TRIM5: variants seen among roughly 807,000 people sequenced by gnomAD.
The protein encoded by TRIM5 is tripartite motif containing 5.
In TRIM5, 31 loss-of-function variants were observed where a neutral mutation model predicts 35.6. That is an observed-to-expected ratio of 0.87 (90% CI 0.65 to 1.18). The LOEUF (loss-of-function observed/expected upper bound fraction) is 1.18, where lower values mean the gene tolerates loss of function less well. TRIM5 is among the 50% of genes most tolerant of loss of function. The pLI is 0.00. For synonymous variants in TRIM5, 243 were observed against 215.6 expected (o/e 1.13, Z -1.11); for missense variants, 609 against 591.6 (o/e 1.03, Z -0.31).
At chr11:5,596,901 T>G in the TRIM5 span, 1 of 1,614,076 alleles carries the variant, frequency 6.2e-7, no homozygotes, top group East Asian at 2.2e-5. Flanking sequence ...TCCCCAGATG[T>G]GCGGGTCAGA....
the TRIM5 span, chr11:5,643,045 T>C: frequency 7.7e-7 from 1 of 1,292,764 alleles, no homozygotes; most frequent in Middle Eastern, 2.7e-4. Flanking sequence ...CATCACCATG[T>C]CACTAGATAA....
rs118041444 is a variant in TRIM5, at chr11:5,670,124, C to T, written c.745-2413G>A. On this transcript the variant is annotated intron_variant, in intron 4 of 7. Transcript: ENST00000380034. ...AACTTCTAAGTTTTAACATAAAAAA[C>T]TTTTAGGCTTGCATGGCATTTGTCT... 1.9e-3 allele frequency among the ~76,000 whole-genome samples: 287 copies of T among 147,860 alleles called. 6 individuals carry two copies. In the East Asian group the frequency reaches 0.047, roughly 24 times the overall value.
At chr11:5,597,059 G>C in the TRIM5 span, 3 of 1,345,074 alleles carry the variant, frequency 2.2e-6, no homozygotes, top group East Asian at 2.4e-5. Context: ...CCCCACTGAG[G>C]TTAGAGACAT....
chr11:5,625,035 G>A, the TRIM5 span: 2 of 152,324 alleles, frequency 1.3e-5, no homozygotes, highest in African/African-American at 2.4e-5. Flanking sequence ...CTTCAACCAG[G>A]AGCCGAGATT....
intron 4 of TRIM5, among the ~76,000 whole-genome samples, chr11:5,677,430 C>A (rs1852074756): frequency 1.3e-5 from 2 of 152,156 alleles, no homozygotes; most frequent in East Asian, 1.9e-4. Context: ...GTTAGAATGG[C>A]AATCATTAAA....
At chr11:5,636,612 C>G in the TRIM5 span, among the ~76,000 whole-genome samples, 1 of 152,136 alleles carries the variant, frequency 6.6e-6, no homozygotes, top group Non-Finnish European at 1.5e-5. Flanking sequence ...GAATCGCCAC[C>G]TTCACAAAAG....
At chr11:5,615,078 G>T in the TRIM5 span, among the ~76,000 whole-genome samples, 1 of 152,192 alleles carries the variant, frequency 6.6e-6, no homozygotes, top group South Asian at 2.1e-4. Context: ...CTATGAGGAT[G>T]TTCATATATC....
the TRIM5 span, among the ~76,000 whole-genome samples, chr11:5,658,125 C>A: frequency 5.3e-5 from 8 of 152,128 alleles, no homozygotes; most frequent in African/African-American, 1.9e-4. Flanking sequence ...ATCACCCTGG[C>A]CTGCTATGCC....
At chr11:5,674,376 A>G (rs951339373) in intron 4 of TRIM5, among the ~76,000 whole-genome samples, 3 of 152,268 alleles carry the variant, frequency 2.0e-5, no homozygotes, top group Non-Finnish European at 2.9e-5. Flanking sequence ...TATAACACAG[A>G]AAGAAGAAAA....
intron 4 of TRIM5, among the ~76,000 whole-genome samples, chr11:5,669,080 CTTTT>C (rs34310528): frequency 2.3e-5 from 3 of 133,182 alleles, no homozygotes; most frequent in Non-Finnish European, 1.6e-5. Flanking sequence ...GGTCTACATT[CTTTT>C]TTTTTTTTTT....
the TRIM5 span, chr11:5,634,526 CACACATAT>C: frequency 4.9e-5 from 32 of 652,922 alleles, no homozygotes; most frequent in Non-Finnish European, 6.4e-5. Flanking sequence ...CACACACACA[CACACATAT>C]ATATATATAT....
Position 5,679,162 on chromosome 11 carries a change from A to G in TRIM5, c.425T>C (p.Leu142Pro). The G allele has an allele frequency of 6.2e-7, 1 of 1,613,814 alleles. No homozygotes were observed. ...EEVAREYQVK[L>P]QAALEMLRQK... Reference sequence around the variant, plus strand: ...CCTCAGCATCTCCAGAGCTGCCTGGAGCTTCACCTGTGAGAAAGGAATCAC... The same window carrying G: ...CCTCAGCATCTCCAGAGCTGCCTGGGGCTTCACCTGTGAGAAAGGAATCAC... Residue 142 changes from leucine to proline, a missense_variant, in exon 3 of 8, where the codon CTC (leucine) becomes CCC (proline). By Grantham distance (98) the Leu-to-Pro change is moderately conservative. Coordinates refer to ENST00000380034, the MANE Select transcript of TRIM5 (RefSeq NM_033034.3).
intron 4 of TRIM5, among the ~76,000 whole-genome samples, chr11:5,669,507 T>C (rs1460592605): frequency 2.6e-5 from 4 of 152,248 alleles, no homozygotes; most frequent in Admixed American, 2.6e-4. Context: ...TTTTTCCACA[T>C]AGATTTTTTT....
At chr11:5,628,953 G>A in the TRIM5 span, among the ~76,000 whole-genome samples, 11,037 of 151,784 alleles carry the variant, frequency 0.073, 530 homozygotes, top group East Asian at 0.17. Context: ...TTTCTTTCCC[G>A]TGTGTCTGTA....
At chr11:5,640,003 A>G in the TRIM5 span, among the ~76,000 whole-genome samples, 1 of 152,202 alleles carries the variant, frequency 6.6e-6, no homozygotes, top group South Asian at 2.1e-4. Flanking sequence ...ATACTATTTT[A>G]ATTATTTTAA....
At chr11:5,643,305 G>A in the TRIM5 span, 34 of 1,613,810 alleles carry the variant, frequency 2.1e-5, no homozygotes, top group Admixed American at 3.3e-4. Flanking sequence ...GGAAGTGGAC[G>A]TGTCCAAGAA....
chr11:5,672,222 CT>C (rs1291406425), intron 4 of TRIM5, among the ~76,000 whole-genome samples: 4 of 151,788 alleles, frequency 2.6e-5, no homozygotes, highest in African/African-American at 4.8e-5. Context: ...TTTTTTCTTT[CT>C]TTTTTTGAGA....
chr11:5,665,843 A>G, intron 6 of TRIM5, 138 bp downstream of exon 6: 1 of 1,327,668 alleles, frequency 7.5e-7, no homozygotes, highest in Non-Finnish European at 1.0e-6. Flanking sequence ...CCCATTAAAT[A>G]TAATCCCATC....
chr11:5,621,895 T>C, the TRIM5 span, among the ~76,000 whole-genome samples: 1 of 152,140 alleles, frequency 6.6e-6, no homozygotes, highest in Non-Finnish European at 1.5e-5. Flanking sequence ...CATTTATTGA[T>C]TGATGTCTCA....
Sources: gnomAD v4.1 joint callset for allele counts (sites outside exome capture counted in the v4.1 genomes callset) on GRCh38, gnomAD v4.1.1 for gene constraint, MANE v1.5 for transcripts, NCBI Gene and HGNC (gene_info 2026-07-23, HGNC 2026-07-21) for gene names.